Variants in ITPKB observed in about 807,000 individuals in gnomAD.
The protein encoded by ITPKB is inositol-trisphosphate 3-kinase B, also known as IP3 3-kinase B.
In ITPKB, 13 loss-of-function variants were observed where a neutral mutation model predicts 69.4. The observed-to-expected ratio is 0.19, with a 90% CI of 0.12 to 0.30. The LOEUF (loss-of-function observed/expected upper bound fraction) is 0.30. ITPKB is among the 10% of genes least tolerant of loss of function. The probability of loss-of-function intolerance (pLI) is 1.00; values close to 1 mark genes in which losing one functional copy is unlikely to be tolerated. For missense variants in ITPKB, 1,240 were observed against 1,250.5 expected (o/e 0.99, Z 0.13); for synonymous variants, 584 against 513.7 (o/e 1.14, Z -1.85).
chr1:226,730,160 C>T (rs1426577684), intron 2 of ITPKB, among the ~76,000 whole-genome samples: 7 of 152,144 alleles, frequency 4.6e-5, no homozygotes, highest in Non-Finnish European at 8.8e-5. Context: ...CAGATTCTTC[C>T]AGATCACCAA....
At position 226,637,600 on chromosome 1, in the gene ITPKB, C is replaced by G. The variant is rs529554427; in HGVS notation, c.2625+79G>C. 8 of 1,167,644 alleles carry G rather than the reference C, an allele frequency of 6.9e-6. No homozygotes were observed. In the South Asian group the frequency reaches 1.0e-4, roughly 15 times the overall value. The allele number at this position is 1,167,644 out of a possible 1,614,324, so 72.3% of individuals were successfully genotyped here. ...ACCACCCTGAAAATGCCCGATGCCC[C>G]GGGCTTCTGGAAGGAGAAGGAGAAG... On this transcript the variant is annotated intron_variant, in intron 7 of 7. Transcript: ENST00000429204. The surrounding 1 kb of genome is among the most constrained non-coding windows in gnomAD (Gnocchi z 4.3).
At chr1:226,654,265 T>C (rs559527940) in intron 2 of ITPKB, among the ~76,000 whole-genome samples, 73 of 152,146 alleles carry the variant, frequency 4.8e-4, no homozygotes, top group Non-Finnish European at 8.8e-4. Context: ...CATCTTTGCA[T>C]TGGAGGAGAC....
At chr1:226,689,569 TTGTG>T (rs10589027) in intron 2 of ITPKB, among the ~76,000 whole-genome samples, 22,897 of 138,358 alleles carry the variant, frequency 0.17, 1,794 homozygotes, top group Middle Eastern at 0.25. Flanking sequence ...AAGGTTTTAT[TTGTG>T]TGTGTGTGTG....
At chr1:226,705,563 T>C (rs1178590746) in intron 2 of ITPKB, among the ~76,000 whole-genome samples, 3 of 151,200 alleles carry the variant, frequency 2.0e-5, no homozygotes, top group Admixed American at 6.6e-5. Flanking sequence ...TCAAAGCTTC[T>C]GATTTTCTCC....
intron 2 of ITPKB, among the ~76,000 whole-genome samples, chr1:226,692,497 A>G (rs748896793): frequency 4.9e-4 from 74 of 152,346 alleles, no homozygotes; most frequent in Non-Finnish European, 9.6e-4. Flanking sequence ...TAAAGAAAGC[A>G]TTCCCATTCT....
At chr1:226,712,210 C>G (rs1656978257) in intron 2 of ITPKB, among the ~76,000 whole-genome samples, 1 of 152,204 alleles carries the variant, frequency 6.6e-6, no homozygotes, top group Non-Finnish European at 1.5e-5. Context: ...ATGGGCAGGG[C>G]TCACTGCGAG....
intron 2 of ITPKB, among the ~76,000 whole-genome samples, chr1:226,667,852 G>GTGTGTGTGTGTA (rs1669534878): frequency 6.6e-6 from 1 of 151,284 alleles, no homozygotes; most frequent in African/African-American, 2.5e-5. Context: ...GTGTGTGTGT[G>GTGTGTGTGTGTA]TGCGCGCGCG....
intron 2 of ITPKB, among the ~76,000 whole-genome samples, chr1:226,655,627 T>A (rs1669273724): frequency 6.6e-6 from 1 of 152,210 alleles, no homozygotes; most frequent in African/African-American, 2.4e-5. Flanking sequence ...TGCAGTGCTG[T>A]CTGAGCCAGT....
intron 2 of ITPKB, among the ~76,000 whole-genome samples, chr1:226,731,027 A>C (rs1426881297): frequency 6.6e-6 from 1 of 152,256 alleles, no homozygotes. Context: ...TTGCATGATA[A>C]GTAGCAACGC....
intron 4 of ITPKB, among the ~76,000 whole-genome samples, chr1:226,646,556 G>A (rs1470404274): frequency 1.3e-5 from 2 of 152,158 alleles, no homozygotes; most frequent in Non-Finnish European, 2.9e-5. Flanking sequence ...ACCTGGGGGT[G>A]GGAGCCAGTC....
chr1:226,698,554 T>G (rs922964441), intron 2 of ITPKB, among the ~76,000 whole-genome samples: 1 of 152,272 alleles, frequency 6.6e-6, no homozygotes, highest in African/African-American at 2.4e-5. Flanking sequence ...TGTTCATTTA[T>G]ATATGAATGA....
At chr1:226,669,131 C>T (rs1571850382) in intron 2 of ITPKB, 2 of 152,072 alleles carry the variant, frequency 1.3e-5, no homozygotes, top group East Asian at 3.8e-4. Flanking sequence ...AAATCTACTC[C>T]TGAGCTGGGC....
chr1:226,731,465 G>T (rs1029997099), intron 2 of ITPKB, among the ~76,000 whole-genome samples: 3 of 152,148 alleles, frequency 2.0e-5, no homozygotes, highest in African/African-American at 7.2e-5. Flanking sequence ...CTCAGTGCCG[G>T]AAACCCACAC....
chr1:226,737,416 T>G lies in ITPKB; in HGVS notation c.43A>C (p.Asn15His). ...CYALNSLVIM[N>H]SANEMKSGGG... ...CCGCTCTTCATCTCGTTGGCGCTAT[T>G]CATGATCACCAGGCTATTGAGCGCA... Residue 15 changes from asparagine to histidine, a missense_variant, in exon 2 of 8, where the codon AAT (asparagine) becomes CAT (histidine). Transcript: ENST00000429204. 2 of 1,611,460 alleles carry G rather than the reference T, an allele frequency of 1.2e-6. No individual in the cohort carries two copies. The highest frequency in any genetic ancestry group is 1.7e-6 in the Non-Finnish European group (2 of 1,179,586).
chr1:226,636,237 G>A (rs956828535), intron 7 of ITPKB, among the ~76,000 whole-genome samples: 1 of 152,236 alleles, frequency 6.6e-6, no homozygotes, highest in Non-Finnish European at 1.5e-5. Flanking sequence ...GGGGCAAAGG[G>A]GGCTCTGGCA....
At chr1:226,661,562 T>A (rs1396827554) in intron 2 of ITPKB, among the ~76,000 whole-genome samples, 2 of 152,342 alleles carry the variant, frequency 1.3e-5, no homozygotes, top group East Asian at 3.9e-4. Flanking sequence ...GAGATTTAGA[T>A]CCTGCCACTC....
At chr1:226,695,055 C>T (rs1656444814) in intron 2 of ITPKB, among the ~76,000 whole-genome samples, 1 of 152,268 alleles carries the variant, frequency 6.6e-6, no homozygotes, top group Non-Finnish European at 1.5e-5. Context: ...CATGGTGAAA[C>T]CCCATCTCCA....
intron 2 of ITPKB, among the ~76,000 whole-genome samples, chr1:226,712,713 G>T (rs1039274960): frequency 6.6e-6 from 1 of 152,114 alleles, no homozygotes; most frequent in African/African-American, 2.4e-5. Context: ...TAAATTATCT[G>T]GTCCTGTGTT....
intron 3 of ITPKB, among the ~76,000 whole-genome samples, chr1:226,647,631 C>A (rs1324705089): frequency 1.3e-5 from 2 of 152,354 alleles, no homozygotes; most frequent in East Asian, 3.9e-4. Flanking sequence ...GTGTTCCCTG[C>A]TGGAAGGGTA....
Sources: allele counts gnomAD v4.1 joint callset (sites outside exome capture counted in the v4.1 genomes callset), GRCh38; gene constraint gnomAD v4.1.1; non-coding constraint Gnocchi (gnomAD v3.1); transcripts MANE v1.5; gene names NCBI Gene and HGNC (gene_info 2026-07-23, HGNC 2026-07-21).